Variants in GLG1 observed in about 807,000 individuals in gnomAD.
The protein encoded by GLG1 is Golgi apparatus protein 1.
Under a neutral mutation model 160.5 loss-of-function variants are expected in GLG1, and 38 were observed. The observed-to-expected ratio is 0.24, with a 90% CI of 0.18 to 0.31. The LOEUF (loss-of-function observed/expected upper bound fraction) is 0.31, where lower values mean the gene tolerates loss of function less well. GLG1 is among the 10% of genes least tolerant of loss of function. The pLI is 1.00. For synonymous variants in GLG1, 644 were observed against 543.4 expected, an observed-to-expected ratio of 1.19 and a Z score of -2.57; for missense variants, 1,373 against 1,505.2, an observed-to-expected ratio of 0.91 and a Z score of 1.45.
chr16:74,454,638 C>T (rs2014454358), intron 25 of GLG1, among the ~76,000 whole-genome samples: 1 of 127,118 alleles, frequency 7.9e-6, no homozygotes, highest in Non-Finnish European at 1.6e-5. Context: ...TGGACTCCAG[C>T]CTGGGCAACA....
chr16:74,454,124 C>T (rs867519572), intron 25 of GLG1, among the ~76,000 whole-genome samples: 3 of 151,942 alleles, frequency 2.0e-5, no homozygotes, highest in African/African-American at 4.8e-5. Context: ...CCGCCCACCT[C>T]GGCCTCCCAA....
chr16:74,530,650 T>G (rs981176600), intron 2 of GLG1, among the ~76,000 whole-genome samples: 4 of 151,894 alleles, frequency 2.6e-5, no homozygotes, highest in Non-Finnish European at 4.4e-5. Context: ...TTTTTTTCTT[T>G]TTAAGAGATG....
At chr16:74,567,316 C>A (rs1409631504) in intron 1 of GLG1, among the ~76,000 whole-genome samples, 1 of 152,040 alleles carries the variant, frequency 6.6e-6, no homozygotes, top group Non-Finnish European at 1.5e-5. Flanking sequence ...TGTAACACGT[C>A]CCTCAGCTCT....
At position 74,451,808 on chromosome 16, in the gene GLG1, A is replaced by G. The variant is rs2014316699; in HGVS notation, c.*1359T>C. On this transcript the variant is annotated 3_prime_UTR_variant, in exon 26 of 26. Transcript: ENST00000422840. Reference sequence around the variant, plus strand: ...TCACACCCAGACTTGTCATCTCCACACTGGAGGAATGAGGCGGGATGGCCA... The same window carrying G: ...TCACACCCAGACTTGTCATCTCCACGCTGGAGGAATGAGGCGGGATGGCCA... 4.3e-6 allele frequency: 2 copies of G among 465,582 alleles called. No individual in the cohort carries two copies. The highest frequency in any genetic ancestry group is 4.7e-5 in the South Asian group (2 of 42,310). 28.8% of individuals were successfully genotyped at this position (465,582 alleles called of 1,614,324 possible). A position where few individuals can be genotyped will look rare whatever the true frequency, so the allele number is the denominator to read the frequency against.
At chr16:74,472,604 G>A (rs1373083531) in intron 13 of GLG1, 193 bp from the exon 14 acceptor site, 4 of 1,471,478 alleles carry the variant, frequency 2.7e-6, no homozygotes, top group South Asian at 1.2e-5. Flanking sequence ...ACTTTGAAAG[G>A]CAAATTTTTA....
chr16:74,547,324 C>A (rs2018076175), intron 1 of GLG1, among the ~76,000 whole-genome samples: 1 of 150,638 alleles, frequency 6.6e-6, no homozygotes, highest in Non-Finnish European at 1.5e-5. Context: ...AGAGTAGATC[C>A]TTTTTCCAAA....
chr16:74,579,227 G>T (rs1957880572), intron 1 of GLG1, among the ~76,000 whole-genome samples: 1 of 152,060 alleles, frequency 6.6e-6, no homozygotes, highest in Non-Finnish European at 1.5e-5. Flanking sequence ...TGGGCAACAT[G>T]GTGAGACCCC....
intron 1 of GLG1, among the ~76,000 whole-genome samples, chr16:74,547,987 G>A (rs1165024416): frequency 1.3e-5 from 2 of 152,250 alleles, no homozygotes; most frequent in African/African-American, 2.4e-5. Context: ...CTGGAGCAGA[G>A]TGGCTCAGTC....
rs2015197320 is a variant in GLG1, at chr16:74,471,230, G to A, written c.2172C>T (p.Asn724=). The part of the protein sequence containing the change: ...SGDLMECLIQ[N]KHQKDMNEKC... ...TCTCGTTCATGTCCTTCTGGTGTTT[G>A]TTCTGTATCAGACACTCCATCAGGT... Residue 724 remains asparagine, a synonymous_variant, in exon 15 of 26, where the codon AAC becomes AAT. Transcript: ENST00000422840. 1.2e-6 allele frequency: 2 copies of A among 1,612,988 alleles called. No individual in the cohort carries two copies. The highest frequency in any genetic ancestry group is 1.7e-6 in the Non-Finnish European group (2 of 1,179,058).
At chr16:74,533,831 A>G (rs1021039183) in intron 1 of GLG1, among the ~76,000 whole-genome samples, 5 of 152,210 alleles carry the variant, frequency 3.3e-5, no homozygotes, top group Non-Finnish European at 5.9e-5. Context: ...GAATCTGTTT[A>G]TATAAAGTGA....
intron 1 of GLG1, among the ~76,000 whole-genome samples, chr16:74,541,655 C>T (rs2017870514): frequency 6.6e-6 from 1 of 152,158 alleles, no homozygotes; most frequent in Non-Finnish European, 1.5e-5. Context: ...TATATGCGAC[C>T]ACTAGCCTTT....
At chr16:74,566,831 A>G (rs1426996827) in intron 1 of GLG1, among the ~76,000 whole-genome samples, 6 of 152,140 alleles carry the variant, frequency 3.9e-5, no homozygotes, top group Non-Finnish European at 8.8e-5. Flanking sequence ...TTCCACCACA[A>G]TTTATTCTCC....
chr16:74,495,258 C>T (rs900253963), intron 5 of GLG1, among the ~76,000 whole-genome samples: 5 of 151,992 alleles, frequency 3.3e-5, no homozygotes, highest in South Asian at 2.1e-4. Flanking sequence ...GGATTACAGG[C>T]CCCCGCCACC....
At chr16:74,562,285 T>A (rs8052389) in intron 1 of GLG1, among the ~76,000 whole-genome samples, 82,638 of 151,516 alleles carry the variant, frequency 0.55, 23,434 homozygotes, top group East Asian at 0.8. Flanking sequence ...GATGACAACC[T>A]CATCTGCTTC....
chr16:74,549,645 T>C (rs530061470), intron 1 of GLG1, among the ~76,000 whole-genome samples: 1 of 151,994 alleles, frequency 6.6e-6, no homozygotes, highest in Non-Finnish European at 1.5e-5. Flanking sequence ...CGTTCAATAT[T>C]TGCTCCAAGT....
chr16:74,592,245 C>A (rs933634714), intron 1 of GLG1, among the ~76,000 whole-genome samples: 3 of 152,142 alleles, frequency 2.0e-5, no homozygotes, highest in Non-Finnish European at 4.4e-5. Context: ...TGGGTTCAAG[C>A]GATTCTCCTG....
chr16:74,577,309 G>T (rs1335680934), intron 1 of GLG1, among the ~76,000 whole-genome samples: 2 of 152,070 alleles, frequency 1.3e-5, no homozygotes, highest in East Asian at 3.9e-4. Context: ...ATCACCCAAG[G>T]TCAGGAGTTC....
intron 10 of GLG1, among the ~76,000 whole-genome samples, chr16:74,482,734 A>G (rs574253455): frequency 1.3e-5 from 2 of 152,352 alleles, no homozygotes; most frequent in South Asian, 4.1e-4. Context: ...CACAGGTGCC[A>G]TACTTCTTAC....
intron 25 of GLG1, among the ~76,000 whole-genome samples, chr16:74,454,553 C>A (rs2014450043): frequency 1.3e-5 from 2 of 150,616 alleles, no homozygotes; most frequent in Admixed American, 6.7e-5. Flanking sequence ...GCAATCCCAG[C>A]TACTGGGGAG....
Sources: allele counts gnomAD v4.1 joint callset (sites outside exome capture counted in the v4.1 genomes callset), GRCh38; gene constraint gnomAD v4.1.1; transcripts MANE v1.5; gene names NCBI Gene and HGNC (gene_info 2026-07-23, HGNC 2026-07-21).